VPS8: variants seen among roughly 807,000 people sequenced by gnomAD.
The protein encoded by VPS8 is vacuolar protein sorting-associated protein 8 homolog.
Under a neutral mutation model 216.4 loss-of-function variants are expected in VPS8, and 129 were observed. The observed-to-expected ratio is 0.60, with a 90% CI of 0.52 to 0.69. VPS8 has a LOEUF of 0.69. Among genes scored for constraint, VPS8 ranks in the 30% least tolerant of loss-of-function variants. The probability of loss-of-function intolerance (pLI) is 0.00; values close to 1 mark genes in which losing one functional copy is unlikely to be tolerated. For missense variants in VPS8, 1,531 were observed against 1,683.5 expected, an observed-to-expected ratio of 0.91 and a Z score of 1.59; for synonymous variants, 571 against 565.4, an observed-to-expected ratio of 1.01 and a Z score of -0.14.
At chr3:184,943,184 G>C (rs1246311782) in intron 36 of VPS8, among the ~76,000 whole-genome samples, 2 of 152,110 alleles carry the variant, frequency 1.3e-5, no homozygotes, top group Non-Finnish European at 1.5e-5. Flanking sequence ...CATCAAAACT[G>C]TTTTCTAGTT....
At chr3:184,831,499 G>C (rs571522713) in intron 3 of VPS8, among the ~76,000 whole-genome samples, 1 of 152,302 alleles carries the variant, frequency 6.6e-6, no homozygotes, top group East Asian at 1.9e-4. Flanking sequence ...TAGTGCAGCT[G>C]AAAGAGACGG....
At chr3:185,015,119 C>T (rs956901058) in intron 45 of VPS8, among the ~76,000 whole-genome samples, 19 of 152,326 alleles carry the variant, frequency 1.2e-4, no homozygotes, top group East Asian at 1.9e-4. Context: ...AGTTGGGCAT[C>T]GCTGGATAAT....
At chr3:184,883,899 A>G (rs1361882793) in intron 21 of VPS8, among the ~76,000 whole-genome samples, 1 of 152,214 alleles carries the variant, frequency 6.6e-6, no homozygotes, top group Non-Finnish European at 1.5e-5. Context: ...TGCCCTTTAT[A>G]GTTCCTCCAG....
intron 37 of VPS8, among the ~76,000 whole-genome samples, chr3:184,963,009 G>A (rs1277191170): frequency 6.6e-6 from 1 of 151,912 alleles, no homozygotes; most frequent in African/African-American, 2.4e-5. Context: ...ACATGACTCT[G>A]TGGGTTCCAT....
At chr3:184,866,184 G>C (rs973773448) in intron 16 of VPS8, among the ~76,000 whole-genome samples, 5 of 152,180 alleles carry the variant, frequency 3.3e-5, no homozygotes, top group African/African-American at 4.8e-5. Context: ...TGTACAAAAT[G>C]TGGCATAGCC....
Position 185,052,372 on chromosome 3 carries a change from A to C in VPS8, c.*347A>C. 1 of 191,842 alleles carries C rather than the reference A, an allele frequency of 5.2e-6. No homozygotes were observed. The highest frequency in any genetic ancestry group is 1.1e-5 in the Non-Finnish European group (1 of 93,524). The allele number at this position is 191,842 out of a possible 1,614,324, so 11.9% of individuals were successfully genotyped here. On this transcript the variant is annotated 3_prime_UTR_variant, in exon 48 of 48. Coordinates refer to ENST00000625842, the MANE Select transcript of VPS8 (RefSeq NM_001009921.3). ...TAGAAAGTAGGTGGAACTCACACAAATGGCATTCCAGAGTCTGCCATACTC... is the reference window on the plus strand; with the variant it reads ...TAGAAAGTAGGTGGAACTCACACAACTGGCATTCCAGAGTCTGCCATACTC...
intron 29 of VPS8, chr3:184,922,522 C>T (rs1015355587): frequency 1.2e-5 from 5 of 421,700 alleles, no homozygotes; most frequent in Admixed American, 2.7e-5. Flanking sequence ...TAAAACTATA[C>T]TAAGTTGGAA....
rs1328385397 is a variant in VPS8, at chr3:184,982,615, C to A, written c.3470C>A (p.Ser1157Tyr). The A allele has an allele frequency of 6.2e-7, 1 of 1,611,190 alleles. No individual in the cohort carries two copies. The highest frequency in any genetic ancestry group is 8.5e-7 in the Non-Finnish European group (1 of 1,178,846). Residue 1157 changes from serine (S) to tyrosine (Y), a missense_variant, in exon 41 of 48, where the codon TCC becomes TAC. Physicochemically the swap from Ser to Tyr is moderately radical, Grantham distance 144. This residue lies in a region of VPS8 where 1,318 missense variants were observed against 1,468.4 expected (regional missense o/e 0.90). Transcript: ENST00000625842. ...LEAMMAPQKL[S>Y]SSAIPHLHSE... Reference sequence around the variant, plus strand: ...GCAATGATGGCCCCTCAGAAGCTGTCCAGTTCAGCCATTCCTCATCTACAC... The same window carrying A: ...GCAATGATGGCCCCTCAGAAGCTGTACAGTTCAGCCATTCCTCATCTACAC...
chr3:185,020,594 C>T (rs1756509155), intron 45 of VPS8, among the ~76,000 whole-genome samples: 1 of 152,066 alleles, frequency 6.6e-6, no homozygotes, highest in South Asian at 2.1e-4. Flanking sequence ...CCTCACCCTC[C>T]CAAGTAACTG....
At chr3:184,824,460 A>C in intron 1 of VPS8, 85 bp from the exon 2 acceptor site, 1 of 672,100 alleles carries the variant, frequency 1.5e-6, no homozygotes, top group Non-Finnish European at 2.4e-6. Context: ...CTGACCAAGT[A>C]AGTCTTTGGA....
chr3:184,984,295 CT>C (rs67712263), intron 42 of VPS8, among the ~76,000 whole-genome samples: 86,057 of 109,144 alleles, frequency 0.79, 34,193 homozygotes, highest in Non-Finnish European at 0.88. Flanking sequence ...ATTTAGAATA[CT>C]TTTTTTTTTT....
chr3:185,000,222 G>A (rs1753215205), intron 45 of VPS8, among the ~76,000 whole-genome samples: 1 of 152,204 alleles, frequency 6.6e-6, no homozygotes, highest in Non-Finnish European at 1.5e-5. Flanking sequence ...TGATAAGAGT[G>A]CAGAATTATG....
chr3:184,916,824 A>C (rs998143302), intron 28 of VPS8, among the ~76,000 whole-genome samples: 12 of 152,232 alleles, frequency 7.9e-5, no homozygotes, highest in Non-Finnish European at 1.5e-5. Flanking sequence ...TATTTCTTTA[A>C]GGGCTGTGGT....
intron 13 of VPS8, 26 bp from the exon 14 acceptor site, chr3:184,855,684 AT>A (rs751691675): frequency 8.0e-4 from 1,150 of 1,446,118 alleles, no homozygotes; most frequent in Admixed American, 1.4e-3. Context: ...AACTGTGATG[AT>A]TTTTTTTTTC....
intron 45 of VPS8, among the ~76,000 whole-genome samples, chr3:185,000,854 C>A (rs1485100299): frequency 6.6e-6 from 1 of 152,186 alleles, no homozygotes; most frequent in Admixed American, 6.5e-5. Context: ...ATCTGCCCGC[C>A]TCGGCCTCCC....
At chr3:184,982,275 C>T (rs1300131154) in intron 40 of VPS8, 7 of 321,892 alleles carry the variant, frequency 2.2e-5, no homozygotes, top group Non-Finnish European at 3.9e-5. Context: ...TCCCCTGAGA[C>T]ACATAAGATT....
At chr3:184,874,269 A>C (rs1192164079) in intron 21 of VPS8, among the ~76,000 whole-genome samples, 1 of 152,176 alleles carries the variant, frequency 6.6e-6, no homozygotes, top group African/African-American at 2.4e-5. Context: ...GCATTTGCCT[A>C]ATTTTTCCAT....
intron 46 of VPS8, among the ~76,000 whole-genome samples, chr3:185,035,953 A>G (rs1170674747): frequency 6.6e-6 from 1 of 152,212 alleles, no homozygotes; most frequent in Non-Finnish European, 1.5e-5. Flanking sequence ...TAGCATTTCT[A>G]TACACCAGCA....
intron 46 of VPS8, among the ~76,000 whole-genome samples, chr3:185,025,854 C>G (rs1054801260): frequency 6.6e-6 from 1 of 152,220 alleles, no homozygotes; most frequent in Non-Finnish European, 1.5e-5. Flanking sequence ...ATTTACTCTT[C>G]TGCTTATTTA....
Sources: gnomAD v4.1 joint callset for allele counts (sites outside exome capture counted in the v4.1 genomes callset) on GRCh38, gnomAD v4.1.1 for gene constraint, gnomAD v4.1.1 regional missense constraint, MANE v1.5 for transcripts, NCBI Gene and HGNC (gene_info 2026-07-23, HGNC 2026-07-21) for gene names.